Variants in ITGBL1 observed in about 807,000 individuals in gnomAD.
ITGBL1 encodes integrin beta-like protein 1.
Under a neutral mutation model 68.5 loss-of-function variants are expected in ITGBL1, and 51 were observed. That is an observed-to-expected ratio of 0.74 (90% CI 0.59 to 0.94). ITGBL1 has a LOEUF of 0.94. ITGBL1 is among the 40% of genes least tolerant of loss of function. ITGBL1 has a pLI of 0.00. For missense variants in ITGBL1, 649 were observed against 647.4 expected, an observed-to-expected ratio of 1.00 and a Z score of -0.03; for synonymous variants, 209 against 227.3, an observed-to-expected ratio of 0.92 and a Z score of 0.72.
intron 7 of ITGBL1, among the ~76,000 whole-genome samples, chr13:101,607,927 A>C (rs944085726): frequency 6.6e-6 from 1 of 151,978 alleles, no homozygotes; most frequent in Non-Finnish European, 1.5e-5. Context: ...CTTGTGTCTA[A>C]GTCATCCTTT....
rs536979369 is a variant in ITGBL1, at chr13:101,601,020, C to T, written c.1015+2721C>T. 2.1e-3 allele frequency among the ~76,000 whole-genome samples: 319 copies of T among 152,292 alleles called. 2 individuals are homozygous for T. Among genetic ancestry groups the T allele is most frequent in the African/African-American group, 7.2e-3 (301 of 41,560 alleles). On this transcript the variant is annotated intron_variant, in intron 7 of 10. Coordinates refer to ENST00000376180, the MANE Select transcript of ITGBL1 (RefSeq NM_004791.3). The stretch of plus-strand genomic sequence containing the variant: ...ATAGTTTCAGAAGGAATGGTACCAG[C>T]TCCTCCTTGTACCTCTGGTAGAATT...
At chr13:101,664,743 G>A (rs558904149) in intron 7 of ITGBL1, among the ~76,000 whole-genome samples, 1 of 152,112 alleles carries the variant, frequency 6.6e-6, no homozygotes, top group East Asian at 1.9e-4. Context: ...TTGTTTGGTT[G>A]GTTTTTGTGA....
intron 7 of ITGBL1, among the ~76,000 whole-genome samples, chr13:101,631,061 G>C (rs2031962316): frequency 6.6e-6 from 1 of 152,040 alleles, no homozygotes; most frequent in African/African-American, 2.4e-5. Flanking sequence ...AGCACTTGTT[G>C]GTTAGTTAAA....
At chr13:101,611,237 T>C (rs186149860) in intron 7 of ITGBL1, among the ~76,000 whole-genome samples, 13 of 152,308 alleles carry the variant, frequency 8.5e-5, no homozygotes, top group Admixed American at 8.5e-4. Context: ...AAATGCCAAG[T>C]TAACGTTGCT....
intron 9 of ITGBL1, among the ~76,000 whole-genome samples, chr13:101,709,356 A>AGC (rs905764278): frequency 8.9e-6 from 1 of 112,130 alleles, no homozygotes; most frequent in African/African-American, 3.6e-5. Context: ...TGGGTGACAG[A>AGC]GCGAGACTCC....
At chr13:101,579,862 A>G (rs1238429161) in intron 5 of ITGBL1, among the ~76,000 whole-genome samples, 1 of 152,188 alleles carries the variant, frequency 6.6e-6, no homozygotes, top group African/African-American at 2.4e-5. Context: ...GTTGAAATGC[A>G]GATTTGATAT....
At chr13:101,555,596 A>G (rs2049991450) in intron 2 of ITGBL1, among the ~76,000 whole-genome samples, 2 of 152,202 alleles carry the variant, frequency 1.3e-5, no homozygotes, top group Admixed American at 1.3e-4. Flanking sequence ...AAAATAATAC[A>G]CAGACAACGC....
chr13:101,611,624 C>A (rs955221322), intron 7 of ITGBL1, among the ~76,000 whole-genome samples: 4 of 151,690 alleles, frequency 2.6e-5, no homozygotes, highest in Non-Finnish European at 1.5e-5. Context: ...GGTGGGCAGA[C>A]CCTGAGTTAG....
At chr13:101,576,954 A>ATG (rs1234031576) in intron 4 of ITGBL1, among the ~76,000 whole-genome samples, 115 of 92,596 alleles carry the variant, frequency 1.2e-3, no homozygotes, top group Middle Eastern at 5.6e-3. Flanking sequence ...TTATAGATGG[A>ATG]AAAAAAAAAA....
chr13:101,601,080 G>T (rs962169494), intron 7 of ITGBL1, among the ~76,000 whole-genome samples: 7 of 152,104 alleles, frequency 4.6e-5, no homozygotes, highest in African/African-American at 1.2e-4. Context: ...GACTGTGTTT[G>T]GTTGGTAAGC....
intron 7 of ITGBL1, among the ~76,000 whole-genome samples, chr13:101,637,222 C>G (rs1251015418): frequency 6.6e-6 from 1 of 151,750 alleles, no homozygotes; most frequent in East Asian, 1.9e-4. Context: ...TACCTCAATT[C>G]AATGTTTGTT....
At chr13:101,480,710 A>C (rs1045319646) in intron 2 of ITGBL1, among the ~76,000 whole-genome samples, 4 of 152,030 alleles carry the variant, frequency 2.6e-5, no homozygotes, top group Non-Finnish European at 4.4e-5. Flanking sequence ...AAATCATATG[A>C]TTTTGTCCTT....
At chr13:101,640,091 G>T (rs1383811149) in intron 7 of ITGBL1, among the ~76,000 whole-genome samples, 2 of 152,104 alleles carry the variant, frequency 1.3e-5, no homozygotes, top group Admixed American at 1.3e-4. Flanking sequence ...TTACAAGAAA[G>T]AACTTTACAC....
intron 7 of ITGBL1, among the ~76,000 whole-genome samples, chr13:101,601,941 C>T (rs1239149880): frequency 6.6e-6 from 1 of 151,984 alleles, no homozygotes; most frequent in Non-Finnish European, 1.5e-5. Flanking sequence ...GAATGAGGGG[C>T]TATTAGTCTT....
chr13:101,674,652 A>G (rs1388410925), intron 7 of ITGBL1, among the ~76,000 whole-genome samples: 1 of 151,968 alleles, frequency 6.6e-6, no homozygotes, highest in Non-Finnish European at 1.5e-5. Context: ...TAAAATGATA[A>G]AGCAACCCTC....
chr13:101,608,400 T>G (rs2030974551), intron 7 of ITGBL1, among the ~76,000 whole-genome samples: 1 of 151,884 alleles, frequency 6.6e-6, no homozygotes, highest in Non-Finnish European at 1.5e-5. Context: ...GACCTGTGTG[T>G]TTTTTACTCT....
At chr13:101,602,017 T>C (rs1420064706) in intron 7 of ITGBL1, among the ~76,000 whole-genome samples, 1 of 152,050 alleles carries the variant, frequency 6.6e-6, no homozygotes, top group Non-Finnish European at 1.5e-5. Flanking sequence ...ATTCTCTTTC[T>C]CTCTTTATAT....
At chr13:101,595,545 CT>C (rs1302863430) in intron 6 of ITGBL1, among the ~76,000 whole-genome samples, 2 of 152,006 alleles carry the variant, frequency 1.3e-5, no homozygotes, top group African/African-American at 4.8e-5. Context: ...GGCAAATGAC[CT>C]GAATAGACAT....
intron 3 of ITGBL1, among the ~76,000 whole-genome samples, chr13:101,572,451 A>G (rs1206826507): frequency 6.6e-6 from 1 of 152,108 alleles, no homozygotes; most frequent in Non-Finnish European, 1.5e-5. Context: ...GCTGGTGTAC[A>G]TGTCTGGTCA....
Sources: allele counts gnomAD v4.1 joint callset (sites outside exome capture counted in the v4.1 genomes callset), GRCh38; gene constraint gnomAD v4.1.1; transcripts MANE v1.5; gene names NCBI Gene and HGNC (gene_info 2026-07-23, HGNC 2026-07-21).